CDH4: variants seen among roughly 807,000 people sequenced by gnomAD.
CDH4 encodes the protein cadherin 4, also known as cadherin-4.
CDH4 carries 33 observed loss-of-function variants against 86.0 expected under a neutral mutation model. That is an observed-to-expected ratio of 0.38 (90% CI 0.29 to 0.51). The LOEUF is 0.51. Among genes scored for constraint, CDH4 ranks in the 20% least tolerant of loss-of-function variants. The pLI is 0.86. For synonymous variants in CDH4, 555 were observed against 549.4 expected (o/e 1.01, Z -0.14); for missense variants, 1,114 against 1,307.4 (o/e 0.85, Z 2.28).
intron 2 of CDH4, among the ~76,000 whole-genome samples, chr20:61,272,113 G>A (rs1158440609): frequency 3.9e-5 from 6 of 152,150 alleles, no homozygotes; most frequent in Non-Finnish European, 8.8e-5. Context: ...TTTCATGCCA[G>A]GCCTCCTCCT....
At chr20:61,884,887 G>T (rs1428928072) in intron 7 of CDH4, among the ~76,000 whole-genome samples, 2 of 152,166 alleles carry the variant, frequency 1.3e-5, no homozygotes, top group African/African-American at 2.4e-5. Context: ...GAGGTGCGGG[G>T]TTGGGACACC....
intron 2 of CDH4, among the ~76,000 whole-genome samples, chr20:61,729,402 GC>G (rs2145923382): frequency 6.6e-6 from 1 of 152,310 alleles, no homozygotes; most frequent in South Asian, 2.1e-4. Flanking sequence ...CTTCCCTGCG[GC>G]CCCCTCTTCT....
chr20:61,649,105 T>A (rs62197785), intron 2 of CDH4, among the ~76,000 whole-genome samples: 53,534 of 152,220 alleles, frequency 0.35, 9,667 homozygotes, highest in East Asian at 0.58. Context: ...ATAACAGTGA[T>A]GGTCACATAT....
At chr20:61,511,793 C>T (rs1218337532) in intron 2 of CDH4, among the ~76,000 whole-genome samples, 1 of 152,144 alleles carries the variant, frequency 6.6e-6, no homozygotes, top group African/African-American at 2.4e-5. Context: ...GTCCTGGGTG[C>T]CTTCCCATAT....
chr20:61,434,173 C>T (rs1289115215), intron 2 of CDH4, among the ~76,000 whole-genome samples: 2 of 152,196 alleles, frequency 1.3e-5, no homozygotes, highest in Admixed American at 1.3e-4. Flanking sequence ...AACTAACCCA[C>T]GAGTGGTGTT....
chr20:61,841,606 C>T (rs1982175137), intron 4 of CDH4, among the ~76,000 whole-genome samples: 1 of 152,124 alleles, frequency 6.6e-6, no homozygotes, highest in Non-Finnish European at 1.5e-5. Flanking sequence ...TTCCCTAGGT[C>T]GCTGTCTCTG....
At chr20:61,404,882 C>G (rs1293369417) in intron 2 of CDH4, among the ~76,000 whole-genome samples, 2 of 152,014 alleles carry the variant, frequency 1.3e-5, no homozygotes, top group African/African-American at 4.8e-5. Flanking sequence ...AACCCCGTCT[C>G]TACTAAAAAT....
chr20:61,267,438 A>C (rs2123131952), intron 2 of CDH4, among the ~76,000 whole-genome samples: 1 of 152,318 alleles, frequency 6.6e-6, no homozygotes, highest in East Asian at 1.9e-4. Flanking sequence ...AGCATCTCAA[A>C]GTGCAGCTCA....
intron 2 of CDH4, among the ~76,000 whole-genome samples, chr20:61,666,789 G>A (rs1054775353): frequency 4.6e-5 from 7 of 152,228 alleles, no homozygotes; most frequent in Non-Finnish European, 7.3e-5. Flanking sequence ...GGCCACAGTG[G>A]CAGGAAGCTG....
chr20:61,526,659 C>A (rs2145634611), intron 2 of CDH4, among the ~76,000 whole-genome samples: 1 of 128,258 alleles, frequency 7.8e-6, no homozygotes, highest in Middle Eastern at 4.5e-3. Flanking sequence ...TCCCCCCACC[C>A]CATCCCTGGC....
Position 61,636,450 on chromosome 20 carries a change from G to A in CDH4, c.170-107113G>A, listed in dbSNP as rs566331146. Among the ~76,000 whole-genome samples, 4 of 152,360 alleles carry A rather than the reference G, an allele frequency of 2.6e-5. No individual in the cohort carries two copies. In the South Asian group the frequency reaches 8.3e-4, roughly 32 times the overall value. ...AATAAGCCAAGTGATTTTTAAATGA[G>A]GATCTTTGCTTGAATAATTCGTTTT... On this transcript the variant is annotated intron_variant, in intron 2 of 15. Transcript: ENST00000614565.
At chr20:61,571,322 G>GAT (rs1248512377) in intron 2 of CDH4, among the ~76,000 whole-genome samples, 1 of 152,202 alleles carries the variant, frequency 6.6e-6, no homozygotes, top group African/African-American at 2.4e-5. Flanking sequence ...GTGCGTGGCT[G>GAT]ATGTTGGTGC....
intron 2 of CDH4, among the ~76,000 whole-genome samples, chr20:61,601,705 C>T (rs1158994940): frequency 1.3e-5 from 2 of 152,170 alleles, no homozygotes; most frequent in South Asian, 2.1e-4. Flanking sequence ...TTGCACCTGG[C>T]GGGGCGCATG....
rs147065652 is a variant in CDH4, at chr20:61,929,799, C to T, written c.2196C>T (p.Thr732=). The part of the protein sequence containing the change: ...IGAVAAAGLG[T]GAIVAILICI... ...CAGTGGCAGCGGCTGGTCTGGGCAC[C>T]GGTGCCATCGTGGCCATCCTCATCT... Residue 732 remains threonine (T), a synonymous_variant, in exon 13 of 16, where the codon ACC becomes ACT. Coordinates refer to ENST00000614565, the MANE Select transcript of CDH4 (RefSeq NM_001794.5). 169 of 1,613,986 alleles carry T rather than the reference C, an allele frequency of 1.0e-4. No individual in the cohort carries two copies. The African/African-American group carries it at 1.4e-3, about 13-fold the overall frequency.
At chr20:61,808,341 A>AAAATAAATAAATAAATAAATAAAT (rs534974250) in intron 4 of CDH4, among the ~76,000 whole-genome samples, 1 of 151,744 alleles carries the variant, frequency 6.6e-6, no homozygotes, top group South Asian at 2.1e-4. Context: ...ACCAGCTGCA[A>AAAATAAATAAATAAATAAATAAAT]AAATAAATAA....
At chr20:61,414,748 C>G (rs2085137718) in intron 2 of CDH4, among the ~76,000 whole-genome samples, 1 of 152,180 alleles carries the variant, frequency 6.6e-6, no homozygotes, top group Non-Finnish European at 1.5e-5. Context: ...GAGCTGCACT[C>G]AGGAAGTCCC....
intron 14 of CDH4, 28 bp from the exon 15 acceptor site, chr20:61,934,028 C>CCTGA: frequency 6.2e-7 from 1 of 1,608,896 alleles, no homozygotes; most frequent in Non-Finnish European, 8.5e-7. Context: ...TTCTGATGCC[C>CCTGA]CTGACTCCTC....
chr20:61,636,320 T>G (rs958669206), intron 2 of CDH4, among the ~76,000 whole-genome samples: 1 of 152,228 alleles, frequency 6.6e-6, no homozygotes, highest in African/African-American at 2.4e-5. Flanking sequence ...AGGCAGAAAG[T>G]GGCTCCTATT....
At chr20:61,371,301 G>A (rs6142801) in intron 2 of CDH4, among the ~76,000 whole-genome samples, 10,532 of 152,230 alleles carry the variant, frequency 0.069, 730 homozygotes, top group East Asian at 0.37. Context: ...CTCTTGCAGC[G>A]TCCCCCAGGC....
Sources: gnomAD v4.1 joint callset for allele counts (sites outside exome capture counted in the v4.1 genomes callset) on GRCh38, gnomAD v4.1.1 for gene constraint, MANE v1.5 for transcripts, NCBI Gene and HGNC (gene_info 2026-07-23, HGNC 2026-07-21) for gene names.